Variants in ANKRD45 observed in about 807,000 individuals in gnomAD.
The protein encoded by ANKRD45 is ankyrin repeat domain 45.
A neutral mutation model predicts 28.1 loss-of-function variants in ANKRD45; 21 were observed. The ratio of observed to expected loss-of-function variants is 0.75; its 90% CI spans 0.53 to 1.08. The LOEUF (loss-of-function observed/expected upper bound fraction) is 1.08. ANKRD45 is among the 50% of genes least tolerant of loss of function. The probability of loss-of-function intolerance (pLI) is 0.00; values close to 1 mark genes in which losing one functional copy is unlikely to be tolerated. For synonymous variants in ANKRD45, 86 were observed against 103.9 expected, an observed-to-expected ratio of 0.83 and a Z score of 1.05; for missense variants, 261 against 308.7, an observed-to-expected ratio of 0.85 and a Z score of 1.16.
chr1:173,702,478 T>TA, the ANKRD45 span, among the ~76,000 whole-genome samples: 1 of 152,048 alleles, frequency 6.6e-6, no homozygotes, highest in Non-Finnish European at 1.5e-5. Context: ...AAAAGAGGGC[T>TA]AAAGGCAGAG....
the ANKRD45 span, among the ~76,000 whole-genome samples, chr1:173,688,354 C>A: frequency 7.0e-6 from 1 of 143,052 alleles, no homozygotes; most frequent in East Asian, 2.0e-4. Flanking sequence ...CTCTGACTCC[C>A]TCTCTCTCTC....
At chr1:173,713,771 G>C in the ANKRD45 span, among the ~76,000 whole-genome samples, 11 of 151,938 alleles carry the variant, frequency 7.2e-5, no homozygotes, top group Non-Finnish European at 1.6e-4. Context: ...CCATTGCCTA[G>C]CCACCCCTAC....
In ANKRD45 at chr1:173,609,276, C is replaced by T. The variant is rs184327976; in HGVS notation, c.*869G>A. 2.6e-5 allele frequency among the ~76,000 whole-genome samples: 4 copies of T among 152,298 alleles called. No homozygotes were observed. Among genetic ancestry groups the T allele is most frequent in the Admixed American group, 6.5e-5 (1 of 15,290 alleles). On this transcript the variant is annotated 3_prime_UTR_variant, in exon 6 of 6. Coordinates refer to ENST00000333279, the MANE Select transcript of ANKRD45 (RefSeq NM_198493.3). ...TTTTCCTTCTCCCCATAAGGGAAAA[C>T]TAGCTTTCAGAACAGGACAAAGAAG...
chr1:173,651,873 C>T (rs183722593), intron 2 of ANKRD45, among the ~76,000 whole-genome samples: 1 of 152,284 alleles, frequency 6.6e-6, no homozygotes, highest in East Asian at 1.9e-4. Context: ...AATGGGAGTT[C>T]ATTCATGATT....
intron 5 of ANKRD45, among the ~76,000 whole-genome samples, chr1:173,613,149 C>A (rs1332651116): frequency 6.6e-6 from 1 of 151,776 alleles, no homozygotes; most frequent in Non-Finnish European, 1.5e-5. Flanking sequence ...AAGTGAGGAG[C>A]GTCTCTGCCC....
chr1:173,647,767 C>G (rs973963812), intron 2 of ANKRD45, among the ~76,000 whole-genome samples: 1 of 151,782 alleles, frequency 6.6e-6, no homozygotes, highest in African/African-American at 2.4e-5. Flanking sequence ...CAGTCAATCC[C>G]ATAATCTTTT....
At chr1:173,695,064 C>T in the ANKRD45 span, among the ~76,000 whole-genome samples, 1 of 152,242 alleles carries the variant, frequency 6.6e-6, no homozygotes, top group South Asian at 2.1e-4. Context: ...TTCTCTGGCC[C>T]TTCCTACCTA....
chr1:173,624,770 T>C lies in ANKRD45; in HGVS notation c.730+17A>G, dbSNP rs1343272588. ...CATCCCTTCTGACATTCAAACCACC[T>C]TTTATCCAAAACTTACATGGTGTAG... On this transcript the variant is annotated intron_variant, in intron 5 of 5. Transcript: ENST00000333279. The C allele has an allele frequency of 6.2e-7, 1 of 1,603,984 alleles. No individual in the cohort carries two copies. The highest frequency in any genetic ancestry group is 1.3e-5 in the African/African-American group (1 of 74,690).
the ANKRD45 span, among the ~76,000 whole-genome samples, chr1:173,675,616 A>T: frequency 6.6e-6 from 1 of 152,192 alleles, no homozygotes; most frequent in Non-Finnish European, 1.5e-5. Context: ...TCTGTCTCAA[A>T]AAGAAAAAAG....
the ANKRD45 span, among the ~76,000 whole-genome samples, chr1:173,682,722 C>CACACACACACACAT: frequency 3.2e-4 from 47 of 148,796 alleles, no homozygotes; most frequent in East Asian, 2.6e-3. Flanking sequence ...CACACACACA[C>CACACACACACACAT]ATCTTGGATG....
the ANKRD45 span, among the ~76,000 whole-genome samples, chr1:173,678,627 G>A: frequency 6.6e-6 from 1 of 152,092 alleles, no homozygotes; most frequent in African/African-American, 2.4e-5. Context: ...GTCAAAAACT[G>A]GAAGCATTCC....
intron 3 of ANKRD45, among the ~76,000 whole-genome samples, chr1:173,636,618 G>A (rs1381905611): frequency 6.6e-6 from 1 of 152,148 alleles, no homozygotes; most frequent in Non-Finnish European, 1.5e-5. Context: ...GATCATACAT[G>A]TGGCATATAG....
chr1:173,651,504 T>A (rs12080884), intron 2 of ANKRD45, among the ~76,000 whole-genome samples: 52,473 of 152,036 alleles, frequency 0.35, 13,093 homozygotes, highest in African/African-American at 0.71. Context: ...AGCCTTGTAG[T>A]ATAGTTTGAA....
At chr1:173,619,859 G>A (rs1256063607) in intron 5 of ANKRD45, among the ~76,000 whole-genome samples, 3 of 150,716 alleles carry the variant, frequency 2.0e-5, no homozygotes, top group East Asian at 3.9e-4. Flanking sequence ...AAGCAAAGAA[G>A]GGCATTACAT....
At chr1:173,702,757 T>C in the ANKRD45 span, among the ~76,000 whole-genome samples, 5 of 150,538 alleles carry the variant, frequency 3.3e-5, no homozygotes, top group Non-Finnish European at 5.9e-5. Context: ...GGTCTCACTT[T>C]CTTGCCGAGG....
intron 5 of ANKRD45, among the ~76,000 whole-genome samples, chr1:173,616,013 G>T (rs1667452541): frequency 6.6e-6 from 1 of 151,828 alleles, no homozygotes; most frequent in Admixed American, 6.6e-5. Flanking sequence ...TGAGCCAGGA[G>T]AATGGCATGA....
chr1:173,617,294 G>A (rs1053955821), intron 5 of ANKRD45, among the ~76,000 whole-genome samples: 4 of 152,192 alleles, frequency 2.6e-5, no homozygotes, highest in African/African-American at 7.2e-5. Context: ...CACTTCCACG[G>A]CACTTCACAA....
At chr1:173,625,235 A>G (rs1305066323) in intron 4 of ANKRD45, among the ~76,000 whole-genome samples, 2 of 152,160 alleles carry the variant, frequency 1.3e-5, no homozygotes, top group African/African-American at 4.8e-5. Context: ...GAGCACAATA[A>G]AACTCACCAT....
chr1:173,622,412 CA>C (rs771426583), intron 5 of ANKRD45, among the ~76,000 whole-genome samples: 23 of 152,152 alleles, frequency 1.5e-4, no homozygotes, highest in Non-Finnish European at 2.8e-4. Context: ...AACTATACCA[CA>C]AGGCTACAGT....
Sources: gnomAD v4.1 joint callset for allele counts (sites outside exome capture counted in the v4.1 genomes callset) on GRCh38, gnomAD v4.1.1 for gene constraint, MANE v1.5 for transcripts, NCBI Gene and HGNC (gene_info 2026-07-23, HGNC 2026-07-21) for gene names.